The following NCOA2 variants were observed in gnomAD, a reference collection of about 807,000 sequenced individuals.
NCOA2 encodes the protein nuclear receptor coactivator 2, also known as class E basic helix-loop-helix protein 75.
NCOA2 carries 21 observed loss-of-function variants against 145.1 expected under a neutral mutation model. The ratio of observed to expected loss-of-function variants is 0.14; its 90% CI spans 0.10 to 0.21. NCOA2 has a LOEUF of 0.21. NCOA2 is among the 10% of genes least tolerant of loss of function. NCOA2 has a pLI of 1.00. For missense variants in NCOA2, 1,472 were observed against 1,837.6 expected (o/e 0.80, Z 3.64); for synonymous variants, 619 against 637.5 (o/e 0.97, Z 0.44).
chr8:70,240,743 T>C (rs1217611953), intron 2 of NCOA2, among the ~76,000 whole-genome samples: 1 of 152,164 alleles, frequency 6.6e-6, no homozygotes, highest in African/African-American at 2.4e-5. Flanking sequence ...TAAACAGAAA[T>C]ACACATAAGG....
chr8:70,302,624 G>C (rs1827594656), intron 1 of NCOA2, among the ~76,000 whole-genome samples: 1 of 152,034 alleles, frequency 6.6e-6, no homozygotes, highest in Non-Finnish European at 1.5e-5. Flanking sequence ...GCCTATTAAG[G>C]TATACAAATT....
chr8:70,194,373 G>A (rs1159419564), intron 4 of NCOA2, among the ~76,000 whole-genome samples: 1 of 152,038 alleles, frequency 6.6e-6, no homozygotes, highest in Non-Finnish European at 1.5e-5. Flanking sequence ...ATGAATACTG[G>A]GGTGGTCACA....
intron 4 of NCOA2, among the ~76,000 whole-genome samples, chr8:70,208,279 A>G (rs117357648): frequency 0.013 from 2,032 of 151,524 alleles, 25 homozygotes; most frequent in Non-Finnish European, 0.022. Flanking sequence ...AAGATGCAGA[A>G]GATATTTTCA....
chr8:70,121,196 T>C (rs1807766592), intron 22 of NCOA2, 106 bp downstream of exon 22: 15 of 891,646 alleles, frequency 1.7e-5, no homozygotes, highest in Non-Finnish European at 1.8e-5. Context: ...TATTTTACGA[T>C]TATCTTTAAT....
the NCOA2 span, among the ~76,000 whole-genome samples, chr8:70,437,958 A>G: frequency 6.6e-6 from 1 of 152,218 alleles, no homozygotes; most frequent in Non-Finnish European, 1.5e-5. Context: ...TCAAACATTC[A>G]TAGGAAAAAT....
At chr8:70,116,632 CCT>C (rs1047010633) in intron 22 of NCOA2, among the ~76,000 whole-genome samples, 7 of 152,202 alleles carry the variant, frequency 4.6e-5, no homozygotes, top group South Asian at 2.1e-4. Flanking sequence ...TGACTGAACC[CCT>C]GTCAATGTGC....
At chr8:70,314,518 T>G (rs1805419624) in intron 1 of NCOA2, among the ~76,000 whole-genome samples, 1 of 152,278 alleles carries the variant, frequency 6.6e-6, no homozygotes, top group East Asian at 1.9e-4. Context: ...TAAGCCTGTA[T>G]GATGGATATA....
At chr8:70,258,763 C>T (rs775192331) in intron 2 of NCOA2, among the ~76,000 whole-genome samples, 2 of 152,186 alleles carry the variant, frequency 1.3e-5, no homozygotes, top group Non-Finnish European at 2.9e-5. Context: ...GTTACAATTC[C>T]CTCATGTGTA....
chr8:70,315,408 C>T (rs2136077121), intron 1 of NCOA2, among the ~76,000 whole-genome samples: 1 of 152,288 alleles, frequency 6.6e-6, no homozygotes, highest in East Asian at 1.9e-4. Flanking sequence ...TAGATTCTTT[C>T]ATGTCCACGC....
the NCOA2 span, among the ~76,000 whole-genome samples, chr8:70,441,523 G>T: frequency 6.9e-6 from 1 of 144,866 alleles, no homozygotes; most frequent in Non-Finnish European, 1.5e-5. Context: ...GAAAGAAAAA[G>T]AGAAGAAAGG....
chr8:70,444,470 G>A, the NCOA2 span, among the ~76,000 whole-genome samples: 1 of 152,268 alleles, frequency 6.6e-6, no homozygotes, highest in African/African-American at 2.4e-5. Flanking sequence ...ATATCGCATA[G>A]AACTGAGTAT....
intron 1 of NCOA2, among the ~76,000 whole-genome samples, chr8:70,359,278 TA>T (rs1810006728): frequency 6.6e-6 from 1 of 152,106 alleles, no homozygotes; most frequent in Non-Finnish European, 1.5e-5. Context: ...CATGTACACA[TA>T]TTGACAGCTA....
At chr8:70,292,415 G>A (rs981289887) in intron 2 of NCOA2, among the ~76,000 whole-genome samples, 8 of 151,968 alleles carry the variant, frequency 5.3e-5, no homozygotes, top group African/African-American at 1.7e-4. Flanking sequence ...ATCCCAAAGA[G>A]CTGGGATTAC....
intron 1 of NCOA2, among the ~76,000 whole-genome samples, chr8:70,357,721 C>A (rs189941069): frequency 6.7e-6 from 1 of 149,196 alleles, no homozygotes; most frequent in Non-Finnish European, 1.5e-5. Flanking sequence ...GTAGCCTGGG[C>A]GACAGAGCAA....
chr8:70,348,995 G>C (rs564543383), intron 1 of NCOA2, among the ~76,000 whole-genome samples: 1 of 143,132 alleles, frequency 7.0e-6, no homozygotes, highest in South Asian at 2.4e-4. Flanking sequence ...TTGAAAATGT[G>C]GGGGGCATGG....
In NCOA2 at chr8:70,110,512, C is replaced by T. The variant is rs1806447639; in HGVS notation, c.*3120G>A. 1 of 200,654 alleles carries T rather than the reference C, an allele frequency of 5.0e-6. No individual in the cohort carries two copies. Among genetic ancestry groups the T allele is most frequent in the African/African-American group, 2.3e-5 (1 of 43,536 alleles). 12.4% of individuals were successfully genotyped at this position (200,654 alleles called of 1,614,324 possible). A position where few individuals can be genotyped will look rare whatever the true frequency, so the allele number is the denominator to read the frequency against. On this transcript the variant is annotated 3_prime_UTR_variant, in exon 23 of 23. Transcript: ENST00000452400. The stretch of plus-strand genomic sequence containing the variant: ...GTGCAGAGGATGCTTTGCTCTTAGG[C>T]AGCATACCACCATACAAACACTAGA...
In NCOA2 at chr8:70,128,803, G is replaced by T. The variant is rs1049518221; in HGVS notation, c.3502C>A (p.Leu1168Ile). The change falls in exon 17 of 23, where the codon CTC (leucine) becomes ATC (isoleucine). Residue 1168 changes from leucine to isoleucine, a missense_variant. Around this residue, in one of 4 missense-constraint regions of NCOA2, gnomAD observed 953 missense variants for 1,062.1 expected, o/e 0.90. Transcript: ENST00000452400. Reference sequence around the variant, plus strand: ...AGGCCCGGTCTGGGCTGCATACGGAGTGTGGCATAACTAGGCCGCTGTCCC... The same window carrying T: ...AGGCCCGGTCTGGGCTGCATACGGATTGTGGCATAACTAGGCCGCTGTCCC... The part of the protein sequence containing the change: ...TMGQRPSYAT[L>I]RMQPRPGLRP... The T allele has an allele frequency of 8.7e-6, 14 of 1,613,952 alleles. No homozygotes were observed. The South Asian group carries it at 1.5e-4, about 18-fold the overall frequency.
chr8:70,291,819 G>A (rs112298421), intron 2 of NCOA2, among the ~76,000 whole-genome samples: 5,255 of 152,218 alleles, frequency 0.035, 302 homozygotes, highest in African/African-American at 0.12. Context: ...AAGTTGGCCG[G>A]GCGGGCGCAG....
rs373695993 is a variant in NCOA2 at position 70,203,465 on chromosome 8, C to T, written c.259+10438G>A. 3.3e-5 allele frequency among the ~76,000 whole-genome samples: 5 copies of T among 151,772 alleles called. No individual in the cohort carries two copies. The South Asian group carries it at 1.0e-3, about 32-fold the overall frequency. On this transcript the variant is annotated intron_variant, in intron 4 of 22. Transcript: ENST00000452400. ...TAAAAAAACAAACCCAAAACAAACA[C>T]CCATGAAAAATGTACTTTACTATAA...
Sources: gnomAD v4.1 joint callset for allele counts (sites outside exome capture counted in the v4.1 genomes callset) on GRCh38, gnomAD v4.1.1 for gene constraint, gnomAD v4.1.1 regional missense constraint, MANE v1.5 for transcripts, NCBI Gene and HGNC (gene_info 2026-07-23, HGNC 2026-07-21) for gene names.